The following TXNL1 variants were observed in gnomAD, a reference collection of about 807,000 sequenced individuals.
TXNL1 encodes the protein thioredoxin like 1.
Under a neutral mutation model 35.5 loss-of-function variants are expected in TXNL1, and 14 were observed. The observed-to-expected ratio is 0.39, with a 90% confidence interval of 0.26 to 0.62. The LOEUF (loss-of-function observed/expected upper bound fraction) is 0.62. TXNL1 is among the 20% of genes least tolerant of loss of function. TXNL1 has a pLI of 0.47. For synonymous variants in TXNL1, 110 were observed against 115.5 expected (o/e 0.95, Z 0.31); for missense variants, 263 against 349.7 (o/e 0.75, Z 1.98).
Position 56,616,292 on chromosome 18 carries a change from T to C in TXNL1, c.515A>G (p.Asn172Ser), listed in dbSNP as rs1407284777. The C allele has an allele frequency of 1.9e-6, 3 of 1,613,812 alleles. No individual in the cohort carries two copies. The highest frequency in any genetic ancestry group is 1.7e-4 in the Middle Eastern group (1 of 6,050). ...CATGGAATAAAGCTTAACAGGTTGA[T>C]TGAATGCCACAGTAATAAGCAGCTG... Reference protein sequence around the residue: ...DEQLLITVAFNQPVKLYSMKF... With the variant: ...DEQLLITVAFSQPVKLYSMKF... Residue 172 changes from asparagine to serine, a missense_variant, in exon 5 of 8, where the codon AAT (asparagine) becomes AGT (serine). By Grantham distance (46) the Asn-to-Ser change is conservative. Coordinates refer to ENST00000217515, the MANE Select transcript of TXNL1 (RefSeq NM_004786.3).
intron 1 of TXNL1, among the ~76,000 whole-genome samples, chr18:56,633,319 C>T (rs1233254633): frequency 1.3e-5 from 2 of 151,720 alleles, no homozygotes; most frequent in African/African-American, 4.8e-5. Flanking sequence ...TGGTGGCGGG[C>T]ACCTGTAGTC....
At chr18:56,615,291 C>A (rs1272926374) in intron 5 of TXNL1, among the ~76,000 whole-genome samples, 1 of 146,032 alleles carries the variant, frequency 6.8e-6, no homozygotes, top group Non-Finnish European at 1.5e-5. Flanking sequence ...AGTAAAAGTA[C>A]AATTTTATTA....
In TXNL1 at chr18:56,599,428, AT is replaced by A. The variant is rs2023782888; in HGVS notation, c.*3598del. 6.6e-6 allele frequency: 1 copy of A among 152,210 alleles called. No homozygotes were observed. Among genetic ancestry groups the A allele is most frequent in the Non-Finnish European group, 1.5e-5 (1 of 68,040 alleles). The allele number at this position is 152,210 out of a possible 1,614,324, so 9.4% of individuals were successfully genotyped here. On this transcript the variant is annotated 3_prime_UTR_variant, in exon 8 of 8. Coordinates refer to ENST00000217515, the MANE Select transcript of TXNL1 (RefSeq NM_004786.3). ...TTTATTTACTATATGCATGTTATAT[AT>A]ACTTGCTTTATGTGTATTATAAAGC...
intron 1 of TXNL1, among the ~76,000 whole-genome samples, chr18:56,631,920 CAA>C (rs539527338): frequency 4.8e-4 from 34 of 71,376 alleles, no homozygotes; most frequent in East Asian, 1.6e-3. Flanking sequence ...AACTCTGTCT[CAA>C]AAAAAAAAAA....
At chr18:56,633,646 G>A (rs2144338723) in intron 1 of TXNL1, among the ~76,000 whole-genome samples, 1 of 147,488 alleles carries the variant, frequency 6.8e-6, no homozygotes, top group Admixed American at 6.8e-5. Flanking sequence ...AAAAATCAGT[G>A]CATGGTAAAC....
At chr18:56,621,826 C>T (rs2024191976) in intron 3 of TXNL1, among the ~76,000 whole-genome samples, 1 of 151,486 alleles carries the variant, frequency 6.6e-6, no homozygotes, top group African/African-American at 2.4e-5. Context: ...ATGGTGAAAC[C>T]CCCTCTCTAC....
In TXNL1 at chr18:56,601,110, TAC is replaced by T. The variant is rs1203008415; in HGVS notation, c.*1915_*1916del. On this transcript the variant is annotated 3_prime_UTR_variant, in exon 8 of 8. Coordinates refer to ENST00000217515, the MANE Select transcript of TXNL1 (RefSeq NM_004786.3). ...CAGTGTTATATATAAATGTTACATA[TAC>T]ATATGTGTGTATATATATATACTGT... The T allele has an allele frequency of 6.7e-5, 1 of 14,866 alleles. No individual in the cohort carries two copies. Among genetic ancestry groups the T allele is most frequent in the African/African-American group, 7.4e-5 (1 of 13,548 alleles). The allele number at this position is 14,866 out of a possible 1,614,324, so 0.9% of individuals were successfully genotyped here.
At chr18:56,621,925 G>A (rs941632947) in intron 3 of TXNL1, among the ~76,000 whole-genome samples, 6 of 151,016 alleles carry the variant, frequency 4.0e-5, no homozygotes, top group Admixed American at 2.0e-4. Flanking sequence ...TCAAACGAGC[G>A]GCAGGGGCAG....
chr18:56,626,057 T>C, intron 2 of TXNL1: 2 of 431,132 alleles, frequency 4.6e-6, no homozygotes, highest in Non-Finnish European at 6.6e-6. Flanking sequence ...GTAGAAGATA[T>C]AATTCTAGGT....
chr18:56,635,385 T>G (rs539168221), intron 1 of TXNL1, among the ~76,000 whole-genome samples: 2 of 152,258 alleles, frequency 1.3e-5, no homozygotes, highest in African/African-American at 4.8e-5. Context: ...AATGAACAGG[T>G]ATACAAAATT....
At chr18:56,603,280 A>G (rs201441266) in intron 7 of TXNL1, among the ~76,000 whole-genome samples, 1 of 122,120 alleles carries the variant, frequency 8.2e-6, no homozygotes, top group Non-Finnish European at 1.9e-5. Flanking sequence ...GGTTTCACAC[A>G]GTTTTTTTTT....
Position 56,601,042 on chromosome 18 carries a change from TAG to T in TXNL1, c.*1983_*1984del, listed in dbSNP as rs1271049894. ...AATAAATAACTTCAGTTAAAATAAC[TAG>T]AGTTACATTTTTTCAAATGCTCTTA... is the stretch of plus-strand genomic sequence containing the variant. On this transcript the variant is annotated 3_prime_UTR_variant, in exon 8 of 8. Transcript: ENST00000217515. The T allele has an allele frequency of 9.2e-5, 14 of 152,186 alleles. No homozygotes were observed. The highest frequency in any genetic ancestry group is 2.7e-4 in the African/African-American group (11 of 41,454). The allele number at this position is 152,186 out of a possible 1,614,324, so 9.4% of individuals were successfully genotyped here.
rs981667031 is a variant in TXNL1 at position 56,601,697 on chromosome 18, A to G, written c.*1330T>C. On this transcript the variant is annotated 3_prime_UTR_variant, in exon 8 of 8. Coordinates refer to ENST00000217515, the MANE Select transcript of TXNL1 (RefSeq NM_004786.3). ...AAACACACTGCTCTCACAAAGGCAAATGGTATCTCTACCATATTCCTAGAC... is the reference window on the plus strand; with the variant it reads ...AAACACACTGCTCTCACAAAGGCAAGTGGTATCTCTACCATATTCCTAGAC... 1 of 152,220 alleles carries G rather than the reference A, an allele frequency of 6.6e-6. No homozygotes were observed. 9.4% of individuals were successfully genotyped at this position (152,220 alleles called of 1,614,324 possible).
chr18:56,626,521 T>A, intron 1 of TXNL1, 64 bp from the exon 2 acceptor site: 2 of 1,377,554 alleles, frequency 1.5e-6, no homozygotes, highest in Non-Finnish European at 1.0e-6. Context: ...CACTCGTCAA[T>A]TAAACATAAA....
Position 56,624,440 on chromosome 18 carries a change from T to C in TXNL1, c.217A>G (p.Ile73Val). The C allele has an allele frequency of 1.9e-6, 3 of 1,613,168 alleles. No homozygotes were observed. The highest frequency in any genetic ancestry group is 2.5e-6 in the Non-Finnish European group (3 of 1,179,310). Residue 73 changes from isoleucine (I) to valine (V), a missense_variant, in exon 3 of 8, where the codon ATA (isoleucine) becomes GTA (valine). Coordinates refer to ENST00000217515, the MANE Select transcript of TXNL1 (RefSeq NM_004786.3). Reference protein sequence around the residue: ...QCQGTAATNNISATPTFLFFR... With the variant: ...QCQGTAATNNVSATPTFLFFR... ...AACAAAAATGTAGGTGTTGCTGATA[T>C]ATTGTTGGTGGCAGCTGTTCCCTAG...
intron 2 of TXNL1, among the ~76,000 whole-genome samples, chr18:56,625,663 A>G (rs1034502658): frequency 3.3e-5 from 5 of 152,162 alleles, no homozygotes; most frequent in African/African-American, 1.2e-4. Flanking sequence ...TTTTCAACAA[A>G]CCCCCAAAGT....
intron 3 of TXNL1, among the ~76,000 whole-genome samples, chr18:56,618,717 C>T (rs1010421645): frequency 6.6e-6 from 1 of 151,410 alleles, no homozygotes; most frequent in African/African-American, 2.4e-5. Flanking sequence ...CTTTTCATTT[C>T]ATTCATGAAC....
At position 56,599,086 on chromosome 18, in the gene TXNL1, T is replaced by A. The variant is rs1004994994; in HGVS notation, c.*3941A>T. On this transcript the variant is annotated 3_prime_UTR_variant, in exon 8 of 8. Coordinates refer to ENST00000217515, the MANE Select transcript of TXNL1 (RefSeq NM_004786.3). The stretch of plus-strand genomic sequence containing the variant: ...ACTCTAGCAGTTTTAACATTGCATA[T>A]CCTTAAGATTTTAATATTCCAAGCT... 6.6e-6 allele frequency: 1 copy of A among 152,220 alleles called. No individual in the cohort carries two copies. The highest frequency in any genetic ancestry group is 1.5e-5 in the Non-Finnish European group (1 of 68,038). 9.4% of individuals were successfully genotyped at this position (152,220 alleles called of 1,614,324 possible). A position where few individuals can be genotyped will look rare whatever the true frequency, so the allele number is the denominator to read the frequency against.
intron 3 of TXNL1, among the ~76,000 whole-genome samples, chr18:56,623,753 GTGATAACAAAGTCAAATT>G (rs1227365108): frequency 1.3e-5 from 2 of 150,742 alleles, no homozygotes; most frequent in East Asian, 3.9e-4. Context: ...TAGAATACAT[GTGATAACAAAGTCAAATT>G]TGATTCTAAA....
Sources: allele counts gnomAD v4.1 joint callset (sites outside exome capture counted in the v4.1 genomes callset), GRCh38; gene constraint gnomAD v4.1.1; transcripts MANE v1.5; gene names NCBI Gene and HGNC (gene_info 2026-07-23, HGNC 2026-07-21).